GRID2: variants seen among roughly 807,000 people sequenced by gnomAD.
GRID2 encodes the protein glutamate receptor ionotropic, delta-2.
A neutral mutation model predicts 114.8 loss-of-function variants in GRID2; 33 were observed. The ratio of observed to expected loss-of-function variants is 0.29; its 90% confidence interval spans 0.22 to 0.38. The LOEUF is 0.38. Among genes scored for constraint, GRID2 ranks in the 10% least tolerant of loss-of-function variants. The probability of loss-of-function intolerance (pLI) is 1.00; values close to 1 mark genes in which losing one functional copy is unlikely to be tolerated. For missense variants in GRID2, 1,184 were observed against 1,257.7 expected (o/e 0.94, Z 0.89); for synonymous variants, 505 against 449.9 (o/e 1.12, Z -1.55).
intron 2 of GRID2, among the ~76,000 whole-genome samples, chr4:92,676,075 T>C (rs1448735383): frequency 1.3e-5 from 2 of 149,876 alleles, no homozygotes; most frequent in African/African-American, 4.9e-5. Context: ...GTCATAAATA[T>C]AACTAGCACT....
chr4:93,207,489 G>C (rs746686045), intron 5 of GRID2, 32 bp downstream of exon 5: 8 of 1,374,660 alleles, frequency 5.8e-6, no homozygotes, highest in African/African-American at 1.4e-5. Context: ...TGTTAACTCT[G>C]TGTCCTTTTT....
chr4:92,986,268 A>C (rs948546166), intron 2 of GRID2, among the ~76,000 whole-genome samples: 1 of 152,196 alleles, frequency 6.6e-6, no homozygotes, highest in Non-Finnish European at 1.5e-5. Context: ...ATACATCTGA[A>C]AGTGAGAAAC....
rs528640918 is a variant in GRID2 at position 93,084,310 on chromosome 4, G to A, written c.245-685G>A. Among the ~76,000 whole-genome samples, 29 of 152,160 alleles carry A rather than the reference G, an allele frequency of 1.9e-4. 1 individual carries two copies. Among genetic ancestry groups the A allele is most frequent in the African/African-American group, 6.7e-4 (28 of 41,542 alleles). ...AAAAATAGATTGTAACCATATAATA[G>A]GAATTATAAATTGTTGATCTAGGAA... On this transcript the variant is annotated intron_variant, in intron 2 of 15. Transcript: ENST00000282020.
At chr4:93,119,703 G>C (rs1733605171) in intron 4 of GRID2, among the ~76,000 whole-genome samples, 1 of 152,046 alleles carries the variant, frequency 6.6e-6, no homozygotes, top group Non-Finnish European at 1.5e-5. Flanking sequence ...AAAGAACTTT[G>C]AGGCTGTCAA....
At chr4:93,595,284 A>G (rs980392398) in intron 13 of GRID2, among the ~76,000 whole-genome samples, 1 of 152,116 alleles carries the variant, frequency 6.6e-6, no homozygotes, top group Non-Finnish European at 1.5e-5. Flanking sequence ...GTACATTGAG[A>G]TTTAATTTTA....
chr4:93,216,922 A>C lies in GRID2; in HGVS notation c.963+11A>C. 1 of 1,587,464 alleles carries C rather than the reference A, an allele frequency of 6.3e-7. No homozygotes were observed. The highest frequency in any genetic ancestry group is 8.6e-7 in the Non-Finnish European group (1 of 1,156,730). On this transcript the variant is annotated intron_variant, in intron 6 of 15. Coordinates refer to ENST00000282020, the MANE Select transcript of GRID2 (RefSeq NM_001510.4). ...GCTCAGAATATGGAGGTATATTATA[A>C]ATGACAGGATATTTCTTCCAGGGTG...
chr4:93,198,237 A>G (rs1741701604), intron 4 of GRID2, among the ~76,000 whole-genome samples: 1 of 152,232 alleles, frequency 6.6e-6, no homozygotes, highest in South Asian at 2.1e-4. Context: ...TACAGCACAG[A>G]AAGAGATGGT....
At chr4:92,458,524 T>G (rs1721326312) in intron 1 of GRID2, among the ~76,000 whole-genome samples, 1 of 152,152 alleles carries the variant, frequency 6.6e-6, no homozygotes, top group Non-Finnish European at 1.5e-5. Flanking sequence ...GGCTCCACCA[T>G]TTTTTGTGTT....
intron 14 of GRID2, among the ~76,000 whole-genome samples, chr4:93,637,759 A>T (rs995387328): frequency 4.6e-5 from 7 of 152,152 alleles, no homozygotes; most frequent in African/African-American, 1.2e-4. Flanking sequence ...TTCTTTTGCT[A>T]CAAGTTAGTT....
chr4:93,690,542 C>A (rs572933616), intron 14 of GRID2, among the ~76,000 whole-genome samples: 4 of 151,944 alleles, frequency 2.6e-5, no homozygotes, highest in South Asian at 4.1e-4. Context: ...TAAAAACTGG[C>A]AAATTGCTTT....
At chr4:92,471,594 T>A (rs1054538417) in intron 1 of GRID2, among the ~76,000 whole-genome samples, 4 of 152,104 alleles carry the variant, frequency 2.6e-5, no homozygotes, top group Admixed American at 2.6e-4. Context: ...ATAAAAATAA[T>A]TTACACATGC....
intron 14 of GRID2, among the ~76,000 whole-genome samples, chr4:93,688,324 A>G (rs57519646): frequency 0.05 from 7,528 of 151,782 alleles, 609 homozygotes; most frequent in African/African-American, 0.17. Context: ...ATTTTCTTCT[A>G]CTTGTTCCTG....
At chr4:93,667,504 G>A (rs553189819) in intron 14 of GRID2, among the ~76,000 whole-genome samples, 229 of 151,870 alleles carry the variant, frequency 1.5e-3, no homozygotes, top group Non-Finnish European at 2.5e-3. Context: ...CTACCATGAA[G>A]TGTCATTGAT....
At chr4:92,764,794 A>C (rs1004356132) in intron 2 of GRID2, among the ~76,000 whole-genome samples, 1 of 152,192 alleles carries the variant, frequency 6.6e-6, no homozygotes, top group Non-Finnish European at 1.5e-5. Flanking sequence ...GGAAATATCT[A>C]TTGAGTAAAT....
intron 2 of GRID2, among the ~76,000 whole-genome samples, chr4:92,901,831 G>A (rs1316025233): frequency 1.3e-5 from 2 of 151,894 alleles, no homozygotes. Context: ...TTTTGTGTGT[G>A]TGTGTGTGTG....
At chr4:93,492,081 G>C (rs2149461662) in intron 12 of GRID2, among the ~76,000 whole-genome samples, 1 of 151,834 alleles carries the variant, frequency 6.6e-6, no homozygotes, top group African/African-American at 2.4e-5. Flanking sequence ...ATCATACAGA[G>C]TGAAACTTAT....
In GRID2 at chr4:93,518,931, G is replaced by A. The variant is rs190030354; in HGVS notation, c.2193+3520G>A. Among the ~76,000 whole-genome samples the A allele has an allele frequency of 7.8e-4, 118 of 152,188 alleles. 1 individual carries two copies. The highest frequency in any genetic ancestry group is 5.6e-3 in the Admixed American group (86 of 15,264). On this transcript the variant is annotated intron_variant, in intron 13 of 15. Transcript: ENST00000282020. ...TATCAGAAGTGCAACAAGGTCAAGA[G>A]GTAAAAGATCTGGAGGTAGAGAGCA...
At chr4:93,025,572 A>C (rs1723806374) in intron 2 of GRID2, among the ~76,000 whole-genome samples, 1 of 151,824 alleles carries the variant, frequency 6.6e-6, no homozygotes, top group African/African-American at 2.4e-5. Flanking sequence ...ATTTTTATGT[A>C]GATTATTATT....
At chr4:93,748,891 A>G (rs1281621347) in intron 14 of GRID2, among the ~76,000 whole-genome samples, 1 of 152,174 alleles carries the variant, frequency 6.6e-6, no homozygotes, top group Admixed American at 6.5e-5. Context: ...TTGTATCTTT[A>G]TAATTCATTG....
Sources: gnomAD v4.1 joint callset for allele counts (sites outside exome capture counted in the v4.1 genomes callset) on GRCh38, gnomAD v4.1.1 for gene constraint, MANE v1.5 for transcripts, NCBI Gene and HGNC (gene_info 2026-07-23, HGNC 2026-07-21) for gene names.